The following VAV3 variants were observed in gnomAD, a reference collection of about 807,000 sequenced individuals.
The protein encoded by VAV3 is guanine nucleotide exchange factor VAV3.
A neutral mutation model predicts 131.2 loss-of-function variants in VAV3; 94 were observed. The observed-to-expected ratio is 0.72, with a 90% CI of 0.61 to 0.85. VAV3 has a LOEUF of 0.85. Ranked by LOEUF, VAV3 falls within the 40% of genes least tolerant of loss-of-function variation. The probability of loss-of-function intolerance (pLI) is 0.00; values close to 1 mark genes in which losing one functional copy is unlikely to be tolerated. For synonymous variants in VAV3, 349 were observed against 342.0 expected (o/e 1.02, Z -0.22); for missense variants, 939 against 1,002.7 (o/e 0.94, Z 0.86).
chr1:107,648,966 A>G (rs921145663), intron 19 of VAV3, among the ~76,000 whole-genome samples: 1 of 152,058 alleles, frequency 6.6e-6, no homozygotes, highest in Non-Finnish European at 1.5e-5. Flanking sequence ...CAAGTGGTGA[A>G]CAACTGAGAG....
At chr1:107,959,375 C>A (rs60085246) in intron 1 of VAV3, among the ~76,000 whole-genome samples, 16,939 of 152,126 alleles carry the variant, frequency 0.11, 1,768 homozygotes, top group African/African-American at 0.28. Context: ...CCCTAAAGAG[C>A]TGTCTATACT....
chr1:107,577,517 C>T (rs752560082), intron 25 of VAV3, among the ~76,000 whole-genome samples: 29 of 152,164 alleles, frequency 1.9e-4, no homozygotes, highest in Non-Finnish European at 3.2e-4. Flanking sequence ...CCTTGCAGTT[C>T]GGTATAGCCA....
chr1:107,598,078 G>T (rs756599236), intron 24 of VAV3, among the ~76,000 whole-genome samples: 4 of 152,190 alleles, frequency 2.6e-5, no homozygotes, highest in Admixed American at 6.5e-5. Context: ...CAAGAGCCAG[G>T]CATGGTGGTT....
At chr1:107,724,772 T>G (rs1438724715) in intron 15 of VAV3, among the ~76,000 whole-genome samples, 1 of 151,832 alleles carries the variant, frequency 6.6e-6, no homozygotes, top group African/African-American at 2.4e-5. Context: ...TAAAGGAGCC[T>G]GGCATGTTCT....
intron 1 of VAV3, among the ~76,000 whole-genome samples, chr1:107,923,312 T>G (rs908220655): frequency 3.9e-5 from 6 of 152,184 alleles, no homozygotes; most frequent in Non-Finnish European, 8.8e-5. Context: ...TGCTATGGTT[T>G]GAAGGTTTGT....
chr1:107,947,743 T>C (rs1674337969), intron 1 of VAV3, among the ~76,000 whole-genome samples: 1 of 152,212 alleles, frequency 6.6e-6, no homozygotes, highest in Admixed American at 6.5e-5. Flanking sequence ...CAGAATATTA[T>C]AATTTTTTCA....
At chr1:107,639,505 C>T (rs145820217) in intron 20 of VAV3, among the ~76,000 whole-genome samples, 53 of 152,158 alleles carry the variant, frequency 3.5e-4, no homozygotes, top group African/African-American at 1.3e-3. Flanking sequence ...CATTAAAAAG[C>T]TGACAAAATA....
intron 17 of VAV3, among the ~76,000 whole-genome samples, chr1:107,694,869 T>A (rs966639257): frequency 4.6e-5 from 7 of 152,132 alleles, no homozygotes; most frequent in Admixed American, 2.6e-4. Context: ...ATTGAGGAGA[T>A]GAACATAGAG....
At chr1:107,790,764 T>C (rs1355565307) in intron 2 of VAV3, among the ~76,000 whole-genome samples, 2 of 138,636 alleles carry the variant, frequency 1.4e-5, no homozygotes, top group African/African-American at 5.3e-5. Flanking sequence ...CTTGGCTCAC[T>C]GCAACCTCCG....
intron 1 of VAV3, among the ~76,000 whole-genome samples, chr1:107,888,274 T>C (rs1246697203): frequency 1.3e-5 from 2 of 152,170 alleles, no homozygotes; most frequent in Admixed American, 6.5e-5. Flanking sequence ...AGTTGGCCTA[T>C]ATAATTTCTA....
chr1:107,872,865 T>C (rs774028070), intron 2 of VAV3, among the ~76,000 whole-genome samples: 1 of 152,200 alleles, frequency 6.6e-6, no homozygotes, highest in Non-Finnish European at 1.5e-5. Flanking sequence ...ACATGAAGAC[T>C]GAACAGACTG....
At chr1:107,685,898 G>A (rs955653605) in intron 18 of VAV3, 4 of 151,050 alleles carry the variant, frequency 2.6e-5, no homozygotes, top group African/African-American at 9.8e-5. Context: ...GGAAGAGAAC[G>A]GAAAGGAGGA....
chr1:107,843,072 C>T lies in VAV3; in HGVS notation c.321+31829G>A, dbSNP rs148467872. Reference sequence around the variant, plus strand: ...TTGTTCCTGAAGTCCACCTTTACTCCGCCCTTCCCAATAGTTTGGCTGTTC... The same window carrying T: ...TTGTTCCTGAAGTCCACCTTTACTCTGCCCTTCCCAATAGTTTGGCTGTTC... On this transcript the variant is annotated intron_variant, in intron 2 of 26. Coordinates refer to ENST00000370056, the MANE Select transcript of VAV3 (RefSeq NM_006113.5). 3.4e-3 allele frequency among the ~76,000 whole-genome samples: 510 copies of T among 152,064 alleles called. 6 individuals are homozygous for T. Among genetic ancestry groups the T allele is most frequent in the Non-Finnish European group, 2.4e-3 (163 of 68,004 alleles).
At chr1:107,668,681 C>T (rs1157475528) in intron 19 of VAV3, 1 of 985,226 alleles carries the variant, frequency 1.0e-6, no homozygotes, top group Non-Finnish European at 1.2e-6. Context: ...GGCGTGGTCC[C>T]AGGAACTATG....
chr1:107,572,889 G>T lies in VAV3; in HGVS notation c.*442C>A, dbSNP rs1649355161. On this transcript the variant is annotated 3_prime_UTR_variant, in exon 27 of 27. Transcript: ENST00000370056. Reference sequence around the variant, plus strand: ...TGGCAGAACTCCAATTTTTCGTCATGCTGGGAAAAGGAAAATTACACTTCT... The same window carrying T: ...TGGCAGAACTCCAATTTTTCGTCATTCTGGGAAAAGGAAAATTACACTTCT... The T allele has an allele frequency of 6.3e-6, 1 of 157,484 alleles. No homozygotes were observed. The highest frequency in any genetic ancestry group is 1.4e-5 in the Non-Finnish European group (1 of 71,794). 9.8% of individuals were successfully genotyped at this position (157,484 alleles called of 1,614,324 possible).
At chr1:107,829,904 C>CT (rs1668172809) in intron 2 of VAV3, among the ~76,000 whole-genome samples, 1 of 152,056 alleles carries the variant, frequency 6.6e-6, no homozygotes, top group Non-Finnish European at 1.5e-5. Flanking sequence ...CCACAAGCAA[C>CT]CGAGAGATAA....
At chr1:107,659,023 C>G (rs1296152904) in intron 19 of VAV3, among the ~76,000 whole-genome samples, 1 of 152,048 alleles carries the variant, frequency 6.6e-6, no homozygotes, top group Non-Finnish European at 1.5e-5. Context: ...AAGTCCTTGC[C>G]CATGCCTATG....
chr1:107,749,249 C>A (rs959085133), intron 14 of VAV3, among the ~76,000 whole-genome samples, 172 bp from the exon 15 acceptor site: 1 of 152,090 alleles, frequency 6.6e-6, no homozygotes, highest in South Asian at 2.1e-4. Context: ...ATGCCAAATG[C>A]GTTTTATTAT....
chr1:107,720,681 G>A (rs546045349), intron 15 of VAV3, among the ~76,000 whole-genome samples: 1 of 152,178 alleles, frequency 6.6e-6, no homozygotes, highest in Non-Finnish European at 1.5e-5. Context: ...TCCATCTCAA[G>A]AGAAAAAGTG....
Sources: gnomAD v4.1 joint callset for allele counts (sites outside exome capture counted in the v4.1 genomes callset) on GRCh38, gnomAD v4.1.1 for gene constraint, MANE v1.5 for transcripts, NCBI Gene and HGNC (gene_info 2026-07-23, HGNC 2026-07-21) for gene names.